Variants in YBEY observed in about 807,000 individuals in gnomAD.
YBEY encodes the protein endoribonuclease YbeY.
YBEY carries 15 observed loss-of-function variants against 13.5 expected under a neutral mutation model. The ratio of observed to expected loss-of-function variants is 1.11; its 90% CI spans 0.75 to 1.72. The LOEUF (loss-of-function observed/expected upper bound fraction) is 1.72, where lower values mean the gene tolerates loss of function less well. Ranked by LOEUF, YBEY falls within the 40% of genes most tolerant of loss-of-function variation. The pLI, the probability that YBEY is intolerant of heterozygous loss-of-function variation, is 0.00. For synonymous variants in YBEY, 101 were observed against 83.1 expected (o/e 1.21, Z -1.17); for missense variants, 244 against 208.4 (o/e 1.17, Z -1.05).
At position 46,294,758 on chromosome 21, in the gene YBEY, CAAAAAA is replaced by C. The variant is rs200581418; in HGVS notation, c.340-1391_340-1386del. Among the ~76,000 whole-genome samples, 2 of 97,130 alleles carry C rather than the reference CAAAAAA, an allele frequency of 2.1e-5. 1 individual carries two copies. Among genetic ancestry groups the C allele is most frequent in the African/African-American group, 7.0e-5 (2 of 28,676 alleles). The allele number at this position is 97,130 out of a possible 152,430, so 63.7% of individuals were successfully genotyped here. ...ACAGGTGGTTTCAGCAGCTTGATGCCAAAAAAAAAAAAAAAAAAGGAAAAGCATTCT... is the reference window on the plus strand; with the variant it reads ...ACAGGTGGTTTCAGCAGCTTGATGCCAAAAAAAAAAAAGGAAAAGCATTCT... On this transcript the variant is annotated intron_variant, in intron 3 of 4. Coordinates refer to ENST00000397701, the MANE Select transcript of YBEY (RefSeq NM_001314025.2).
At chr21:46,312,309 C>G in the YBEY span, among the ~76,000 whole-genome samples, 2 of 151,970 alleles carry the variant, frequency 1.3e-5, no homozygotes, top group Admixed American at 1.3e-4. Context: ...GCAACCAACA[C>G]TTGGTATGGT....
chr21:46,304,794 C>T, the YBEY span, among the ~76,000 whole-genome samples: 1 of 152,324 alleles, frequency 6.6e-6, no homozygotes, highest in African/African-American at 2.4e-5. Context: ...AGCCTGGAAT[C>T]TTGAGCGGGG....
Position 46,296,091 on chromosome 21 carries a change from C to CT in YBEY, c.340-71_340-70insT, listed in dbSNP as rs981860597. On this transcript the variant is annotated intron_variant, in intron 3 of 4. Coordinates refer to ENST00000397701, the MANE Select transcript of YBEY (RefSeq NM_001314025.2). ...CCACATACCAAGAGCAGCCTGTGGCCCTGGGGTGGCCCTGAAGGGGCAGGT... is the reference window on the plus strand; with the variant it reads ...CCACATACCAAGAGCAGCCTGTGGCCTCTGGGGTGGCCCTGAAGGGGCAGGT... The CT allele has an allele frequency of 6.2e-5, 98 of 1,569,884 alleles. No individual in the cohort carries two copies. In the African/African-American group the frequency reaches 1.1e-3, roughly 17 times the overall value.
At chr21:46,311,466 A>C in the YBEY span, 1 of 1,587,828 alleles carries the variant, frequency 6.3e-7, no homozygotes, top group Non-Finnish European at 8.6e-7. Flanking sequence ...CTTCCTTAAT[A>C]CTTCCTGACC....
downstream of YBEY, among the ~76,000 whole-genome samples, chr21:46,299,734 G>C (rs2145864771): frequency 6.6e-6 from 1 of 151,042 alleles, no homozygotes; most frequent in East Asian, 1.9e-4. Flanking sequence ...GTACAGGTGT[G>C]CACAATGTGC....
intron 2 of YBEY, among the ~76,000 whole-genome samples, chr21:46,290,950 CAGG>C (rs1270275991): frequency 2.0e-5 from 3 of 147,096 alleles, no homozygotes; most frequent in Non-Finnish European, 4.5e-5. Context: ...GAGGCTGAGG[CAGG>C]AGAATTGCTT....
chr21:46,291,920 C>T, intron 3 of YBEY: 2 of 825,176 alleles, frequency 2.4e-6, no homozygotes, highest in Non-Finnish European at 2.9e-6. Flanking sequence ...AAGAGTTTAA[C>T]ACAGAGCTAG....
chr21:46,298,794 G>A (rs1458050870), downstream of YBEY, among the ~76,000 whole-genome samples: 2 of 151,522 alleles, frequency 1.3e-5, no homozygotes, highest in Non-Finnish European at 2.9e-5. Context: ...GTGCAGTCTC[G>A]GCTCACTGTA....
the YBEY span, among the ~76,000 whole-genome samples, chr21:46,303,725 ATATATATATATATATATATATTTTTTTT>A: frequency 5.7e-4 from 15 of 26,216 alleles, no homozygotes; most frequent in Non-Finnish European, 7.9e-4. Flanking sequence ...ATATATATAT[ATATATATATATATATATATATTTTTTTT>A]TTTTTTTTTT....
At chr21:46,301,799 A>C (rs2082116165), downstream of YBEY, 3 of 1,245,782 alleles carry the variant, frequency 2.4e-6, no homozygotes, top group Admixed American at 1.3e-4. Flanking sequence ...GGAGCAAGGG[A>C]TGCCCCCTGG....
downstream of YBEY, chr21:46,302,443 CCT>C (rs762337560): frequency 2.4e-5 from 36 of 1,470,334 alleles, no homozygotes; most frequent in South Asian, 9.5e-5. Flanking sequence ...CCACCCAGGC[CCT>C]GTTTCCTTGG....
chr21:46,306,765 T>G, the YBEY span, among the ~76,000 whole-genome samples: 2 of 152,090 alleles, frequency 1.3e-5, no homozygotes, highest in Admixed American at 1.3e-4. Context: ...TTTTGTATTT[T>G]TTTGTAGAGA....
At chr21:46,289,441 G>GTTTTTTTTTTTT (rs773002446) in intron 2 of YBEY, among the ~76,000 whole-genome samples, 1 of 136,600 alleles carries the variant, frequency 7.3e-6, no homozygotes, top group Non-Finnish European at 1.6e-5. Context: ...GAAGGCAAGG[G>GTTTTTTTTTTTT]TTTTGTTTTT....
intron 2 of YBEY, 87 bp from the exon 3 acceptor site, chr21:46,291,247 G>A (rs1252086846): frequency 1.5e-5 from 22 of 1,505,628 alleles, no homozygotes; most frequent in Non-Finnish European, 1.9e-5. Context: ...GTGCTTATTT[G>A]CCTTGGGATT....
At chr21:46,301,675 A>C, downstream of YBEY, 1 of 1,126,196 alleles carries the variant, frequency 8.9e-7, no homozygotes, top group Non-Finnish European at 1.1e-6. Flanking sequence ...CCGTGATGGA[A>C]GAGGGGGATC....
downstream of YBEY, among the ~76,000 whole-genome samples, chr21:46,298,569 A>G (rs2082027861): frequency 2.6e-5 from 4 of 151,022 alleles, no homozygotes; most frequent in Admixed American, 2.7e-4. Context: ...AGCTGGGACT[A>G]CAGGCGCCCG....
At chr21:46,304,887 TCTGTGAC>T in the YBEY span, among the ~76,000 whole-genome samples, 5 of 152,218 alleles carry the variant, frequency 3.3e-5, no homozygotes. Flanking sequence ...CTGTTACTCA[TCTGTGAC>T]CTGCTGCAAT....
chr21:46,294,480 GC>G, intron 3 of YBEY, among the ~76,000 whole-genome samples: 1 of 18,764 alleles, frequency 5.3e-5, no homozygotes, highest in South Asian at 2.5e-3. Flanking sequence ...GGACAGCCAC[GC>G]AAGTTAGACT....
intron 3 of YBEY, among the ~76,000 whole-genome samples, chr21:46,293,325 CGCG>C: frequency 3.0e-5 from 2 of 66,530 alleles, no homozygotes; most frequent in African/African-American, 1.0e-4. Context: ...AAATTCCTCC[CGCG>C]GTTAGCCTGA....
Sources: gnomAD v4.1 joint callset for allele counts (sites outside exome capture counted in the v4.1 genomes callset) on GRCh38, gnomAD v4.1.1 for gene constraint, MANE v1.5 for transcripts, NCBI Gene and HGNC (gene_info 2026-07-23, HGNC 2026-07-21) for gene names.